Variants in SORCS2 observed in about 807,000 individuals in gnomAD.
The protein encoded by SORCS2 is VPS10 domain-containing receptor SorCS2.
SORCS2 carries 100 observed loss-of-function variants against 141.6 expected under a neutral mutation model. The observed-to-expected ratio is 0.71, with a 90% CI of 0.60 to 0.83. The LOEUF (loss-of-function observed/expected upper bound fraction) is 0.83, where lower values mean the gene tolerates loss of function less well. Ranked by LOEUF, SORCS2 falls within the 40% of genes least tolerant of loss-of-function variation. SORCS2 has a pLI of 0.00. For synonymous variants in SORCS2, 789 were observed against 676.9 expected, an observed-to-expected ratio of 1.17 and a Z score of -2.57; for missense variants, 1,646 against 1,560.2, an observed-to-expected ratio of 1.05 and a Z score of -0.93.
intron 19 of SORCS2, 110 bp from the exon 20 acceptor site, chr4:7,725,044 G>C: frequency 8.6e-7 from 1 of 1,166,294 alleles, no homozygotes; most frequent in Non-Finnish European, 1.2e-6. Flanking sequence ...AGTGGTAGTG[G>C]TGGTGGTGAT....
At chr4:7,495,998 A>T (rs1464566704) in intron 2 of SORCS2, among the ~76,000 whole-genome samples, 1 of 152,130 alleles carries the variant, frequency 6.6e-6, no homozygotes, top group Non-Finnish European at 1.5e-5. Context: ...CCGAGGGTGG[A>T]AGGATGGGGA....
At chr4:7,341,506 C>A (rs538071445) in intron 1 of SORCS2, among the ~76,000 whole-genome samples, 1 of 152,300 alleles carries the variant, frequency 6.6e-6, no homozygotes, top group South Asian at 2.1e-4. Flanking sequence ...CTCTACTCTT[C>A]AGGCTGTAAG....
intron 1 of SORCS2, among the ~76,000 whole-genome samples, chr4:7,336,909 TCCCTGAGCCG>T (rs1245387293): frequency 6.6e-6 from 1 of 152,140 alleles, no homozygotes; most frequent in African/African-American, 2.4e-5. Flanking sequence ...CCTGGACTTG[TCCCTGAGCCG>T]CCCTGAGCCC....
chr4:7,617,558 G>C (rs1718849416), intron 3 of SORCS2, among the ~76,000 whole-genome samples: 2 of 152,234 alleles, frequency 1.3e-5, no homozygotes, highest in Admixed American at 1.3e-4. Context: ...TAAGTTCTAA[G>C]TGGAGGTGTG....
At chr4:7,576,453 G>A (rs944678008) in intron 3 of SORCS2, among the ~76,000 whole-genome samples, 1 of 152,220 alleles carries the variant, frequency 6.6e-6, no homozygotes, top group Non-Finnish European at 1.5e-5. Context: ...AGTCACAACA[G>A]CCATCGAGTG....
chr4:7,523,457 C>T (rs1009063023), intron 2 of SORCS2, among the ~76,000 whole-genome samples: 11 of 152,254 alleles, frequency 7.2e-5, no homozygotes, highest in South Asian at 4.1e-4. Context: ...TAGAGGCTTG[C>T]GTCCCCACTC....
rs536452216 is a variant in SORCS2 at position 7,490,368 on chromosome 4, G to A, written c.549-41162G>A. ...CCAGTGTAGGGGGTGAGGCTGTCAAGGGCAGCCTTCCTTGAGGGAAGGGCA... is the reference window on the plus strand; with the variant it reads ...CCAGTGTAGGGGGTGAGGCTGTCAAAGGCAGCCTTCCTTGAGGGAAGGGCA... On this transcript the variant is annotated intron_variant, in intron 2 of 26. Coordinates refer to ENST00000507866, the MANE Select transcript of SORCS2 (RefSeq NM_020777.3). Among the ~76,000 whole-genome samples, 3 of 152,236 alleles carry A rather than the reference G, an allele frequency of 2.0e-5. No individual in the cohort carries two copies. The East Asian group carries it at 5.8e-4, about 29-fold the overall frequency.
At chr4:7,531,222 C>G (rs553044263) in intron 2 of SORCS2, among the ~76,000 whole-genome samples, 40 of 152,326 alleles carry the variant, frequency 2.6e-4, no homozygotes, top group African/African-American at 9.6e-4. Context: ...CTAGAGCTGC[C>G]CGGCTCATAG....
intron 1 of SORCS2, among the ~76,000 whole-genome samples, chr4:7,256,100 G>T (rs1434660460): frequency 6.6e-6 from 1 of 152,168 alleles, no homozygotes; most frequent in Non-Finnish European, 1.5e-5. Flanking sequence ...CACTTGCCTA[G>T]GGTCTACAAA....
At chr4:7,458,480 C>T (rs533690636) in intron 2 of SORCS2, among the ~76,000 whole-genome samples, 1 of 152,268 alleles carries the variant, frequency 6.6e-6, no homozygotes, top group African/African-American at 2.4e-5. Context: ...CCCATGGTCC[C>T]CATTCCCCAA....
chr4:7,718,450 C>A (rs957287388), intron 18 of SORCS2, among the ~76,000 whole-genome samples: 4 of 152,124 alleles, frequency 2.6e-5, no homozygotes, highest in Non-Finnish European at 5.9e-5. Flanking sequence ...CAGAAGGAGA[C>A]GTGGTTTCAC....
intron 1 of SORCS2, among the ~76,000 whole-genome samples, chr4:7,384,977 G>C (rs1723205543): frequency 6.6e-6 from 1 of 152,248 alleles, no homozygotes; most frequent in African/African-American, 2.4e-5. Flanking sequence ...ACTCACTGCA[G>C]CTCTGATGGC....
chr4:7,246,358 G>C (rs572908972), intron 1 of SORCS2, among the ~76,000 whole-genome samples: 1 of 152,168 alleles, frequency 6.6e-6, no homozygotes, highest in South Asian at 2.1e-4. Context: ...TGAACCCACA[G>C]ATCTCACCCA....
At chr4:7,507,171 T>TTA (rs1460671244) in intron 2 of SORCS2, among the ~76,000 whole-genome samples, 3 of 120,118 alleles carry the variant, frequency 2.5e-5, no homozygotes, top group South Asian at 7.8e-4. Context: ...TAAATTCTTT[T>TTA]TTATTATTAT....
At chr4:7,486,945 T>C (rs933778806) in intron 2 of SORCS2, among the ~76,000 whole-genome samples, 2 of 152,250 alleles carry the variant, frequency 1.3e-5, no homozygotes, top group Admixed American at 1.3e-4. Flanking sequence ...AAACTCTGAT[T>C]GGGATGTGGA....
At chr4:7,370,355 C>T (rs979422444) in intron 1 of SORCS2, among the ~76,000 whole-genome samples, 16 of 152,272 alleles carry the variant, frequency 1.1e-4, no homozygotes, top group African/African-American at 3.4e-4. Context: ...CCTGGGCTAC[C>T]TGCTCTGAGC....
intron 2 of SORCS2, among the ~76,000 whole-genome samples, chr4:7,444,181 C>T (rs144912834): frequency 6.6e-6 from 1 of 152,226 alleles, no homozygotes; most frequent in African/African-American, 2.4e-5. Flanking sequence ...TAAGAGCCTA[C>T]TATGTGCTGA....
chr4:7,228,513 G>A (rs572411491), intron 1 of SORCS2, among the ~76,000 whole-genome samples: 11 of 152,334 alleles, frequency 7.2e-5, no homozygotes, highest in South Asian at 2.1e-4. Flanking sequence ...TGCCTTCTGC[G>A]TCCTCTCTTG....
At chr4:7,199,625 G>C (rs927245734) in intron 1 of SORCS2, among the ~76,000 whole-genome samples, 1 of 152,024 alleles carries the variant, frequency 6.6e-6, no homozygotes, top group African/African-American at 2.4e-5. Flanking sequence ...TGGGTGGGGC[G>C]GGCCGCTCTG....
Sources: allele counts gnomAD v4.1 joint callset (sites outside exome capture counted in the v4.1 genomes callset), GRCh38; gene constraint gnomAD v4.1.1; transcripts MANE v1.5; gene names NCBI Gene and HGNC (gene_info 2026-07-23, HGNC 2026-07-21).